UBE3D: variants seen among roughly 807,000 people sequenced by gnomAD.
UBE3D encodes E3 ubiquitin-protein ligase E3D.
Under a neutral mutation model 49.6 loss-of-function variants are expected in UBE3D, and 48 were observed. That is an observed-to-expected ratio of 0.97 (90% CI 0.77 to 1.23). The LOEUF (loss-of-function observed/expected upper bound fraction) is 1.23. Ranked by LOEUF, UBE3D falls within the 50% of genes most tolerant of loss-of-function variation. UBE3D has a pLI of 0.00. For missense variants in UBE3D, 452 were observed against 468.4 expected, an observed-to-expected ratio of 0.96 and a Z score of 0.32; for synonymous variants, 189 against 174.2, an observed-to-expected ratio of 1.08 and a Z score of -0.67.
At chr6:83,009,024 T>C (rs1170512449) in intron 8 of UBE3D, among the ~76,000 whole-genome samples, 1 of 152,152 alleles carries the variant, frequency 6.6e-6, no homozygotes, top group East Asian at 1.9e-4. Context: ...CATATGACTA[T>C]AGTCACAATA....
intron 8 of UBE3D, among the ~76,000 whole-genome samples, chr6:83,015,547 T>C (rs1057313648): frequency 7.2e-5 from 11 of 152,168 alleles, no homozygotes; most frequent in African/African-American, 2.4e-4. Context: ...TCCCACACCC[T>C]TAGTATCCAT....
chr6:82,973,976 C>A (rs755393685), intron 8 of UBE3D, among the ~76,000 whole-genome samples: 1 of 152,168 alleles, frequency 6.6e-6, no homozygotes, highest in South Asian at 2.1e-4. Flanking sequence ...TCTCCCATCA[C>A]CCCCAGATGG....
intron 8 of UBE3D, among the ~76,000 whole-genome samples, chr6:82,977,495 G>C (rs1458656479): frequency 1.3e-5 from 2 of 152,064 alleles, no homozygotes; most frequent in Admixed American, 6.6e-5. Flanking sequence ...CTCTTAATGA[G>C]TACAAAAGAT....
rs1193693464 is a variant in UBE3D, at chr6:82,898,481, C to T, written c.1150-5439G>A. Among the ~76,000 whole-genome samples the T allele has an allele frequency of 9.2e-5, 14 of 152,182 alleles. 1 individual carries two copies. In the East Asian group the frequency reaches 2.3e-3, roughly 25 times the overall value. The stretch of plus-strand genomic sequence containing the variant: ...AAGAAAATGTGGCACATATACACCA[C>T]GGAATACTATGCAGCCATAAAAAGG... On this transcript the variant is annotated intron_variant, in intron 9 of 9. Coordinates refer to ENST00000369747, the MANE Select transcript of UBE3D (RefSeq NM_198920.3).
chr6:83,023,417 A>C (rs982718869), intron 6 of UBE3D, among the ~76,000 whole-genome samples: 2 of 152,330 alleles, frequency 1.3e-5, no homozygotes, highest in African/African-American at 4.8e-5. Flanking sequence ...GTTTGGTTCA[A>C]CTATCAAAAA....
At chr6:83,022,648 TA>T in intron 6 of UBE3D, 87 bp from the exon 7 acceptor site, 1 of 857,940 alleles carries the variant, frequency 1.2e-6, no homozygotes, top group South Asian at 2.2e-5. Context: ...ACACGGTACC[TA>T]AAAGGCAGAC....
downstream of UBE3D, among the ~76,000 whole-genome samples, chr6:82,890,965 T>C (rs529169476): frequency 1.5e-4 from 23 of 152,262 alleles, no homozygotes; most frequent in South Asian, 4.8e-3. Flanking sequence ...TTCATCTAAT[T>C]TATTCCAATT....
chr6:82,915,611 G>A (rs1009744468), intron 9 of UBE3D, among the ~76,000 whole-genome samples: 2 of 152,104 alleles, frequency 1.3e-5, no homozygotes, highest in South Asian at 2.1e-4. Context: ...TACCTCTCCC[G>A]CCCACCACAG....
chr6:82,903,937 C>T (rs1306788671), intron 9 of UBE3D, among the ~76,000 whole-genome samples: 1 of 152,084 alleles, frequency 6.6e-6, no homozygotes, highest in East Asian at 1.9e-4. Flanking sequence ...ACATGGAAGG[C>T]AAAGGGCGTT....
chr6:83,013,802 A>G (rs1461223176), intron 8 of UBE3D, among the ~76,000 whole-genome samples: 1 of 152,208 alleles, frequency 6.6e-6, no homozygotes. Context: ...TCTCTCACCA[A>G]TAAGTCCAGT....
intron 3 of UBE3D, 125 bp from the exon 4 acceptor site, chr6:83,044,784 CA>C (rs1395543221): frequency 1.3e-6 from 1 of 783,862 alleles, no homozygotes; most frequent in East Asian, 2.6e-5. Flanking sequence ...ATTTTTTCCC[CA>C]ATTATAAAAG....
At chr6:82,913,792 C>G (rs1258206603) in intron 9 of UBE3D, among the ~76,000 whole-genome samples, 1 of 152,172 alleles carries the variant, frequency 6.6e-6, no homozygotes, top group African/African-American at 2.4e-5. Flanking sequence ...AACTTAACAG[C>G]AGAAAGTGTC....
intron 2 of UBE3D, 100 bp from the exon 3 acceptor site, chr6:83,054,338 AGTT>A: frequency 1.2e-6 from 1 of 857,814 alleles, no homozygotes; most frequent in South Asian, 1.4e-5. Flanking sequence ...ATCCATAAAC[AGTT>A]TATGATCCAC....
chr6:82,963,808 C>A (rs897531952), intron 8 of UBE3D, among the ~76,000 whole-genome samples: 2 of 152,128 alleles, frequency 1.3e-5, no homozygotes, highest in African/African-American at 2.4e-5. Flanking sequence ...AGTTGACATT[C>A]AGTATGAACC....
chr6:82,900,500 G>C (rs528161611), intron 9 of UBE3D, among the ~76,000 whole-genome samples: 1 of 152,258 alleles, frequency 6.6e-6, no homozygotes, highest in East Asian at 1.9e-4. Flanking sequence ...TATTTCAGTG[G>C]CAATTTTTAA....
intron 8 of UBE3D, among the ~76,000 whole-genome samples, chr6:82,997,290 G>A (rs939238694): frequency 2.0e-5 from 3 of 151,864 alleles, no homozygotes; most frequent in African/African-American, 4.8e-5. Context: ...ATAGAATGAC[G>A]AAATAAATCA....
chr6:83,010,759 C>T (rs964969628), intron 8 of UBE3D, among the ~76,000 whole-genome samples: 1 of 152,120 alleles, frequency 6.6e-6, no homozygotes, highest in Non-Finnish European at 1.5e-5. Flanking sequence ...GGCTGGGAGG[C>T]AAAGCCAGCC....
chr6:82,986,459 A>G (rs1007284226), intron 8 of UBE3D, among the ~76,000 whole-genome samples: 11 of 139,846 alleles, frequency 7.9e-5, no homozygotes, highest in African/African-American at 2.7e-4. Flanking sequence ...TGACAGAGAA[A>G]CACTCTGTCT....
At chr6:82,898,587 A>G (rs980798083) in intron 9 of UBE3D, among the ~76,000 whole-genome samples, 4 of 152,124 alleles carry the variant, frequency 2.6e-5, no homozygotes, top group East Asian at 1.9e-4. Context: ...ACAGAAAACC[A>G]AACACCACAT....
Sources: gnomAD v4.1 joint callset for allele counts (sites outside exome capture counted in the v4.1 genomes callset) on GRCh38, gnomAD v4.1.1 for gene constraint, MANE v1.5 for transcripts, NCBI Gene and HGNC (gene_info 2026-07-23, HGNC 2026-07-21) for gene names.